Variants in GRM3 observed in about 807,000 individuals in gnomAD.
GRM3 encodes the protein metabotropic glutamate receptor 3.
GRM3 carries 26 observed loss-of-function variants against 70.5 expected under a neutral mutation model. That is an observed-to-expected ratio of 0.37 (90% CI 0.27 to 0.51). The LOEUF (loss-of-function observed/expected upper bound fraction) is 0.51. Ranked by LOEUF, GRM3 falls within the 20% of genes least tolerant of loss-of-function variation. The probability of loss-of-function intolerance (pLI) is 0.93; values close to 1 mark genes in which losing one functional copy is unlikely to be tolerated. For missense variants in GRM3, 859 were observed against 1,123.8 expected, an observed-to-expected ratio of 0.76 and a Z score of 3.37; for synonymous variants, 443 against 434.9, an observed-to-expected ratio of 1.02 and a Z score of -0.23.
intron 4 of GRM3, among the ~76,000 whole-genome samples, chr7:86,846,529 C>T (rs1562881222): frequency 6.6e-6 from 1 of 152,114 alleles, no homozygotes; most frequent in East Asian, 1.9e-4. Flanking sequence ...AATGTTAGTA[C>T]TAGTTATTAG....
At chr7:86,703,237 C>T (rs1395091250) in intron 1 of GRM3, among the ~76,000 whole-genome samples, 1 of 151,894 alleles carries the variant, frequency 6.6e-6, no homozygotes, top group Non-Finnish European at 1.5e-5. Context: ...ATCCTAGAGA[C>T]AGGCAAAGTT....
chr7:86,727,075 A>G (rs1400510412), intron 1 of GRM3, among the ~76,000 whole-genome samples: 2 of 152,244 alleles, frequency 1.3e-5, no homozygotes, highest in Non-Finnish European at 2.9e-5. Flanking sequence ...TCTCTTTCCT[A>G]GGGAAATTAA....
Position 86,692,349 on chromosome 7 carries a change from ACTCT to A in GRM3, c.-141+47482_-141+47485del, listed in dbSNP as rs548048025. On this transcript the variant is annotated intron_variant, in intron 1 of 5. Transcript: ENST00000361669. ...AATCTGGCCCTTAACCATCTCTTTG[ACTCT>A]CTCTTTTTACTATCCTTGTCAATCA... Among the ~76,000 whole-genome samples the A allele has an allele frequency of 1.2e-4, 18 of 152,034 alleles. No homozygotes were observed. In the South Asian group the frequency reaches 3.7e-3, roughly 32 times the overall value.
chr7:86,824,904 T>C (rs1426941123), intron 3 of GRM3, among the ~76,000 whole-genome samples: 5 of 151,694 alleles, frequency 3.3e-5, no homozygotes, highest in Non-Finnish European at 7.4e-5. Context: ...ATCTTATTAA[T>C]TGAGCACAGT....
intron 5 of GRM3, among the ~76,000 whole-genome samples, chr7:86,862,674 A>AT (rs1181036447): frequency 6.6e-6 from 1 of 152,106 alleles, no homozygotes; most frequent in African/African-American, 2.4e-5. Context: ...GACTTCATAG[A>AT]TTTTTCTTAC....
chr7:86,818,870 C>T (rs2214011), intron 3 of GRM3, among the ~76,000 whole-genome samples: 8,161 of 152,078 alleles, frequency 0.054, 698 homozygotes, highest in African/African-American at 0.18. Context: ...ACGATGTGGG[C>T]CAATTTCCTG....
At chr7:86,707,856 G>T (rs183366153) in intron 1 of GRM3, among the ~76,000 whole-genome samples, 1 of 152,070 alleles carries the variant, frequency 6.6e-6, no homozygotes, top group East Asian at 1.9e-4. Flanking sequence ...TTTAACAAAC[G>T]ATTATATAAT....
intron 1 of GRM3, among the ~76,000 whole-genome samples, chr7:86,711,986 A>G (rs1795210007): frequency 6.6e-6 from 1 of 152,012 alleles, no homozygotes; most frequent in South Asian, 2.1e-4. Context: ...CAACATGACA[A>G]AGCAGAATTC....
chr7:86,842,292 A>G (rs1389704990), intron 4 of GRM3, among the ~76,000 whole-genome samples: 1 of 152,198 alleles, frequency 6.6e-6, no homozygotes, highest in African/African-American at 2.4e-5. Flanking sequence ...TAGTTGTCAA[A>G]GTTAGAAACT....
intron 5 of GRM3, among the ~76,000 whole-genome samples, chr7:86,854,489 T>C (rs1798811765): frequency 6.6e-6 from 1 of 152,144 alleles, no homozygotes; most frequent in Admixed American, 6.5e-5. Flanking sequence ...AAGAGTACAA[T>C]TAAAGTTGTG....
chr7:86,688,384 T>C (rs995855782), intron 1 of GRM3, among the ~76,000 whole-genome samples: 1 of 151,618 alleles, frequency 6.6e-6, no homozygotes, highest in Non-Finnish European at 1.5e-5. Context: ...TAAGTAGAAG[T>C]GCAAAATATA....
intron 1 of GRM3, among the ~76,000 whole-genome samples, chr7:86,701,331 T>C (rs986845710): frequency 6.6e-6 from 1 of 151,892 alleles, no homozygotes. Context: ...ACAATAAATT[T>C]AGGGGTCTCA....
intron 1 of GRM3, among the ~76,000 whole-genome samples, chr7:86,710,655 T>A (rs1795176566): frequency 6.6e-6 from 1 of 151,384 alleles, no homozygotes; most frequent in Non-Finnish European, 1.5e-5. Context: ...TTTAAAAACA[T>A]CCTAAATTTA....
intron 1 of GRM3, among the ~76,000 whole-genome samples, chr7:86,706,653 G>C (rs1268201075): frequency 6.6e-6 from 1 of 151,988 alleles, no homozygotes; most frequent in East Asian, 1.9e-4. Flanking sequence ...GGAGCTAAGA[G>C]CCAAGTGCAC....
At chr7:86,733,258 G>A (rs997105134) in intron 1 of GRM3, among the ~76,000 whole-genome samples, 6 of 150,754 alleles carry the variant, frequency 4.0e-5, no homozygotes, top group African/African-American at 1.5e-4. Flanking sequence ...AGCTTGCAGT[G>A]AGGCAAGATC....
chr7:86,729,584 T>C (rs1795676799), intron 1 of GRM3, among the ~76,000 whole-genome samples: 1 of 152,260 alleles, frequency 6.6e-6, no homozygotes, highest in Non-Finnish European at 1.5e-5. Flanking sequence ...TTATGGCTTA[T>C]GTATTGGTTG....
chr7:86,818,259 T>C lies in GRM3; in HGVS notation c.1325-20580T>C, dbSNP rs572216576. Among the ~76,000 whole-genome samples, 3 of 152,200 alleles carry C rather than the reference T, an allele frequency of 2.0e-5. No individual in the cohort carries two copies. In the East Asian group the frequency reaches 5.8e-4, roughly 29 times the overall value. On this transcript the variant is annotated intron_variant, in intron 3 of 5. Transcript: ENST00000361669. ...TTGATGATAAATAAAACATGGTCTC[T>C]ACCTTCAAGCCAACTAAATCAACAT...
At chr7:86,858,742 TTC>T (rs1466190533) in intron 5 of GRM3, among the ~76,000 whole-genome samples, 1 of 152,240 alleles carries the variant, frequency 6.6e-6, no homozygotes, top group Non-Finnish European at 1.5e-5. Context: ...ATGACATATC[TTC>T]TTTTTCCATA....
intron 1 of GRM3, among the ~76,000 whole-genome samples, chr7:86,689,974 T>G (rs1794658994): frequency 6.6e-6 from 1 of 152,182 alleles, no homozygotes; most frequent in African/African-American, 2.4e-5. Context: ...CTAAGGGTCT[T>G]TCCTATTCTA....
Sources: gnomAD v4.1 joint callset for allele counts (sites outside exome capture counted in the v4.1 genomes callset) on GRCh38, gnomAD v4.1.1 for gene constraint, MANE v1.5 for transcripts, NCBI Gene and HGNC (gene_info 2026-07-23, HGNC 2026-07-21) for gene names.